Variants in AGAP1 observed in about 807,000 individuals in gnomAD.
AGAP1 encodes ArfGAP with GTPase domain, ankyrin repeat and PH domain 1, also known as arf-GAP with GTPase, ANK repeat and PH domain-containing protein 1.
Under a neutral mutation model 105.3 loss-of-function variants are expected in AGAP1, and 29 were observed. That is an observed-to-expected ratio of 0.28 (90% CI 0.21 to 0.38). The LOEUF (loss-of-function observed/expected upper bound fraction) is 0.38. Ranked by LOEUF, AGAP1 falls within the 10% of genes least tolerant of loss-of-function variation. The pLI is 1.00. For missense variants in AGAP1, 998 were observed against 1,165.1 expected (o/e 0.86, Z 2.09); for synonymous variants, 509 against 485.9 (o/e 1.05, Z -0.63).
Position 236,051,736 on chromosome 2 carries a change from G to A in AGAP1, c.2114+2455G>A, listed in dbSNP as rs922214911. 2.6e-5 allele frequency among the ~76,000 whole-genome samples: 4 copies of A among 152,188 alleles called. No homozygotes were observed. The highest frequency in any genetic ancestry group is 7.2e-5 in the African/African-American group (3 of 41,460). ...AGAGGGGAAGGGTTTGTCTATTCAT[G>A]GGTTCTGTCTGTCCCACCTGTTCCC... On this transcript the variant is annotated intron_variant, in intron 16 of 17. Coordinates refer to ENST00000304032, the MANE Select transcript of AGAP1 (RefSeq NM_001037131.3). This position sits in a 1 kb window ranked among gnomAD's most constrained non-coding sequence, Gnocchi z 5.9.
rs1159752052 is a variant in AGAP1, at chr2:235,625,546, G to T, written c.164-83633G>T. On this transcript the variant is annotated intron_variant, in intron 1 of 17. Coordinates refer to ENST00000304032, the MANE Select transcript of AGAP1 (RefSeq NM_001037131.3). This position sits in a 1 kb window ranked among gnomAD's most constrained non-coding sequence, Gnocchi z 4.0. ...CCAACCCAATGAGATTGCTGATTTT[G>T]CAAGTACAAGTCACCAGATTTTAGT... Among the ~76,000 whole-genome samples the T allele has an allele frequency of 6.6e-6, 1 of 152,186 alleles. No individual in the cohort carries two copies. Among genetic ancestry groups the T allele is most frequent in the Non-Finnish European group, 1.5e-5 (1 of 68,032 alleles).
intron 1 of AGAP1, among the ~76,000 whole-genome samples, chr2:235,528,934 C>T (rs980412610): frequency 5.3e-5 from 8 of 152,170 alleles, no homozygotes; most frequent in African/African-American, 1.9e-4. Context: ...CCTCGGCTTC[C>T]CAAAGTGCTG....
rs35825564 is a variant in AGAP1, at chr2:235,970,206, TAAAAAAAA to T, written c.1645+1598_1645+1605del. On this transcript the variant is annotated intron_variant, in intron 13 of 17. Coordinates refer to ENST00000304032, the MANE Select transcript of AGAP1 (RefSeq NM_001037131.3). The surrounding 1 kb of genome is among the most constrained non-coding windows in gnomAD (Gnocchi z 5.4). ...GGGCGACAGAGTGAGACTCTGTCTT[TAAAAAAAA>T]AAAAAAAAAAAAAAGACGATTTTTC... 6.8e-5 allele frequency among the ~76,000 whole-genome samples: 8 copies of T among 117,882 alleles called. No individual in the cohort carries two copies. The highest frequency in any genetic ancestry group is 3.2e-4 in the South Asian group (1 of 3,172). The allele number at this position is 117,882 out of a possible 152,430, so 77.3% of individuals were successfully genotyped here. A position where few individuals can be genotyped will look rare whatever the true frequency, so the allele number is the denominator to read the frequency against.
intron 9 of AGAP1, among the ~76,000 whole-genome samples, chr2:235,873,224 C>G (rs2049531849): frequency 6.6e-6 from 1 of 152,346 alleles, no homozygotes; most frequent in Middle Eastern, 3.4e-3. Context: ...GGTACAAACA[C>G]TCTTCAAAAA....
intron 11 of AGAP1, among the ~76,000 whole-genome samples, chr2:235,925,318 C>T (rs934910073): frequency 1.3e-5 from 2 of 151,876 alleles, no homozygotes; most frequent in South Asian, 2.1e-4. Flanking sequence ...AACGATGGTG[C>T]GCAGAGTTTT....
chr2:236,019,776 G>A (rs1433882643), intron 13 of AGAP1, among the ~76,000 whole-genome samples: 1 of 152,218 alleles, frequency 6.6e-6, no homozygotes, highest in South Asian at 2.1e-4. Flanking sequence ...ATCATCTCCA[G>A]CAGAGGAAGA....
At chr2:235,898,539 G>A (rs1281297194) in intron 10 of AGAP1, among the ~76,000 whole-genome samples, 1 of 126,104 alleles carries the variant, frequency 7.9e-6, no homozygotes, top group Non-Finnish European at 1.5e-5. Context: ...CAACCCTAAT[G>A]ACTTATCATG....
intron 10 of AGAP1, among the ~76,000 whole-genome samples, chr2:235,894,582 A>G (rs145268850): frequency 2.8e-4 from 43 of 152,186 alleles, no homozygotes; most frequent in East Asian, 5.8e-4. Flanking sequence ...AGGACCATAC[A>G]TACATCATAC....
intron 16 of AGAP1, among the ~76,000 whole-genome samples, chr2:236,052,546 G>A (rs1210603409): frequency 2.0e-5 from 3 of 152,280 alleles, no homozygotes; most frequent in South Asian, 2.1e-4. Context: ...GAGAACTGCC[G>A]TTCAAACTTG....
intron 15 of AGAP1, among the ~76,000 whole-genome samples, chr2:236,043,738 T>TC (rs1223820636): frequency 3.8e-5 from 5 of 131,886 alleles, no homozygotes; most frequent in African/African-American, 1.5e-4. Context: ...AAAAAAAAAG[T>TC]GGGGGGGGTG....
At position 235,612,453 on chromosome 2, in the gene AGAP1, A is replaced by G. The variant is rs1294419020; in HGVS notation, c.164-96726A>G. Among the ~76,000 whole-genome samples, 5 of 152,246 alleles carry G rather than the reference A, an allele frequency of 3.3e-5. No individual in the cohort carries two copies. The highest frequency in any genetic ancestry group is 5.9e-5 in the Non-Finnish European group (4 of 68,050). Reference sequence around the variant, plus strand: ...TAATGAGATCTCAGGGGCAGCGCCTAGAGTGCTGGGCCCTTCCAGATGATC... The same window carrying G: ...TAATGAGATCTCAGGGGCAGCGCCTGGAGTGCTGGGCCCTTCCAGATGATC... On this transcript the variant is annotated intron_variant, in intron 1 of 17. Transcript: ENST00000304032. This position sits in a 1 kb window ranked among gnomAD's most constrained non-coding sequence, Gnocchi z 4.3.
At chr2:235,502,875 C>T (rs1180692574) in intron 1 of AGAP1, among the ~76,000 whole-genome samples, 5 of 152,230 alleles carry the variant, frequency 3.3e-5, no homozygotes, top group Non-Finnish European at 4.4e-5. Context: ...GACGAAGCTA[C>T]TGTTACCCTG....
chr2:235,825,138 A>G (rs1958995818), intron 9 of AGAP1, among the ~76,000 whole-genome samples: 1 of 152,242 alleles, frequency 6.6e-6, no homozygotes, highest in South Asian at 2.1e-4. Context: ...AGAAGGAGAG[A>G]CAGCCATCGT....
At position 235,553,057 on chromosome 2, in the gene AGAP1, T is replaced by C. The variant is rs954634273; in HGVS notation, c.163+58208T>C. ...CTGGGTGGTTCCTCTGAGCCTCTGC[T>C]TTATTTCATCTGCAAGTAGCATTAA... On this transcript the variant is annotated intron_variant, in intron 1 of 17. Transcript: ENST00000304032. This position sits in a 1 kb window ranked among gnomAD's most constrained non-coding sequence, Gnocchi z 4.5. 6.6e-6 allele frequency among the ~76,000 whole-genome samples: 1 copy of C among 152,238 alleles called. No individual in the cohort carries two copies. The highest frequency in any genetic ancestry group is 2.4e-5 in the African/African-American group (1 of 41,466).
At chr2:236,041,044 G>A (rs1027838367) in intron 15 of AGAP1, among the ~76,000 whole-genome samples, 5 of 152,156 alleles carry the variant, frequency 3.3e-5, no homozygotes, top group East Asian at 1.9e-4. Flanking sequence ...TGCAGGGTGC[G>A]TTTCTGTGAG....
chr2:235,995,837 C>G (rs937169213), intron 13 of AGAP1, among the ~76,000 whole-genome samples: 1 of 152,154 alleles, frequency 6.6e-6, no homozygotes, highest in Non-Finnish European at 1.5e-5. Context: ...TTCTTTCTTG[C>G]CTCTGGCTCT....
intron 6 of AGAP1, chr2:235,783,204 G>T: frequency 3.0e-6 from 1 of 337,934 alleles, no homozygotes. Context: ...CTTAGTGAAA[G>T]ATACTTTCCT....
rs577426018 is a variant in AGAP1, at chr2:236,088,892, A to G, written c.2115-31300A>G. ...GAGTGCTCAGTTGGTATTTCTTGAAAGAATAGTTGCTTAACAGGGCATTCG... is the reference window on the plus strand; with the variant it reads ...GAGTGCTCAGTTGGTATTTCTTGAAGGAATAGTTGCTTAACAGGGCATTCG... On this transcript the variant is annotated intron_variant, in intron 16 of 17. Coordinates refer to ENST00000304032, the MANE Select transcript of AGAP1 (RefSeq NM_001037131.3). Among the ~76,000 whole-genome samples the G allele has an allele frequency of 1.1e-3, 174 of 152,348 alleles. 1 individual carries two copies. The highest frequency in any genetic ancestry group is 4.0e-3 in the African/African-American group (166 of 41,580).
At position 236,092,946 on chromosome 2, in the gene AGAP1, C is replaced by A. The variant is rs2059101241; in HGVS notation, c.2115-27246C>A. ...CAGAAACAGGAGCGGCTCCAGGCCTCCCACTGGCCAAATCTGGAACAATTG... is the reference window on the plus strand; with the variant it reads ...CAGAAACAGGAGCGGCTCCAGGCCTACCACTGGCCAAATCTGGAACAATTG... On this transcript the variant is annotated intron_variant, in intron 16 of 17. Transcript: ENST00000304032. This position sits in a 1 kb window ranked among gnomAD's most constrained non-coding sequence, Gnocchi z 4.7. 6.6e-6 allele frequency among the ~76,000 whole-genome samples: 1 copy of A among 152,160 alleles called. No individual in the cohort carries two copies. Among genetic ancestry groups the A allele is most frequent in the Non-Finnish European group, 1.5e-5 (1 of 68,038 alleles).
Sources: allele counts gnomAD v4.1 joint callset (sites outside exome capture counted in the v4.1 genomes callset), GRCh38; gene constraint gnomAD v4.1.1; non-coding constraint Gnocchi (gnomAD v3.1); transcripts MANE v1.5; gene names NCBI Gene and HGNC (gene_info 2026-07-23, HGNC 2026-07-21).